Variants in MROH7 observed in about 807,000 individuals in gnomAD.
MROH7 encodes the protein maestro heat-like repeat-containing protein family member 7.
MROH7 carries 113 observed loss-of-function variants against 129.2 expected under a neutral mutation model. The ratio of observed to expected loss-of-function variants is 0.87; its 90% CI spans 0.75 to 1.02. The LOEUF (loss-of-function observed/expected upper bound fraction) is 1.02. MROH7 is among the 50% of genes least tolerant of loss of function. The pLI, the probability that MROH7 is intolerant of heterozygous loss-of-function variation, is 0.00. For missense variants in MROH7, 1,601 were observed against 1,671.3 expected (o/e 0.96, Z 0.73); for synonymous variants, 655 against 667.9 (o/e 0.98, Z 0.30).
intron 16 of MROH7, 110 bp from the exon 17 acceptor site, chr1:54,695,266 T>TCA: frequency 1.6e-6 from 1 of 639,050 alleles, no homozygotes; most frequent in Non-Finnish European, 2.8e-6. Context: ...AACGCAGGAA[T>TCA]CCAGGTGATC....
chr1:54,668,815 G>T (rs754728274), intron 4 of MROH7, 39 bp from the exon 5 acceptor site: 4 of 1,537,024 alleles, frequency 2.6e-6, no homozygotes, highest in Non-Finnish European at 3.6e-6. Flanking sequence ...GGCTCAGTGG[G>T]TCTCTCACTC....
chr1:54,653,118 T>C lies in MROH7; in HGVS notation c.192T>C (p.Ser64=). The C allele has an allele frequency of 2.5e-6, 4 of 1,614,214 alleles. No individual in the cohort carries two copies. The highest frequency in any genetic ancestry group is 3.4e-6 in the Non-Finnish European group (4 of 1,180,046). The change falls in exon 3 of 24, where the codon TCT becomes TCC. Residue 64 remains serine, a synonymous_variant. Transcript: ENST00000421030. ...GLALVPDLND[S]LSPVSGEASG... ...CTCTCGTTCCAGATCTTAATGATTC[T>C]TTGAGTCCAGTCTCAGGGGAGGCCT...
chr1:54,679,895 C>T lies in MROH7; in HGVS notation c.2231C>T (p.Pro744Leu). ...WYRHRALEVI[P>L]EIMQGIYMQL... is the part of the protein sequence containing the mutation. The stretch of plus-strand genomic sequence containing the variant: ...GCTGCCCCGGCTGTGCCCCAGATCC[C>T]AGAAATCATGCAAGGCATCTACATG... The change falls in exon 13 of 24, where the codon CCA (proline) becomes CTA (leucine). Residue 744 changes from proline (P) to leucine (L), a missense_variant. Physicochemically the swap from Pro to Leu is moderately conservative, Grantham distance 98. Transcript: ENST00000421030. The T allele has an allele frequency of 6.2e-7, 1 of 1,607,932 alleles. No individual in the cohort carries two copies. Among genetic ancestry groups the T allele is most frequent in the Non-Finnish European group, 8.5e-7 (1 of 1,177,550 alleles).
chr1:54,679,825 C>G (rs1418681804), intron 12 of MROH7, 66 bp from the exon 13 acceptor site: 9 of 1,508,566 alleles, frequency 6.0e-6, no homozygotes, highest in Non-Finnish European at 5.4e-6. Flanking sequence ...CTCCTCCCAC[C>G]TTCCTGCTGC....
At chr1:54,704,791 CTCTT>C (rs1164250132) in intron 21 of MROH7, among the ~76,000 whole-genome samples, 2 of 67,272 alleles carry the variant, frequency 3.0e-5, no homozygotes, top group Non-Finnish European at 5.3e-5. Context: ...TTCAATGTAG[CTCTT>C]TTTTTTTTTT....
intron 4 of MROH7, chr1:54,665,941 A>G (rs1644806707): frequency 6.6e-6 from 1 of 152,356 alleles, no homozygotes; most frequent in Admixed American, 6.5e-5. Flanking sequence ...CCCTGCATTC[A>G]GGGAGCATTT....
intron 1 of MROH7, among the ~76,000 whole-genome samples, chr1:54,650,231 G>A (rs1194699813): frequency 6.6e-6 from 1 of 152,174 alleles, no homozygotes; most frequent in Non-Finnish European, 1.5e-5. Flanking sequence ...GGAGGACAAG[G>A]GCCAGAGGGG....
Position 54,674,083 on chromosome 1 carries a change from A to G in MROH7, c.1868A>G (p.Asp623Gly). Reference protein sequence around the residue: ...GRLILHIGDPDEEIGCEALDG... With the variant: ...GRLILHIGDPGEEIGCEALDG... The stretch of plus-strand genomic sequence containing the variant: ...CTCATCCTTCACATTGGGGATCCTG[A>G]TGAGGAGATTGGCTGTGAGGCTCTG... The change falls in exon 10 of 24, where the codon GAT becomes GGT. Residue 623 changes from aspartate (D) to glycine (G), a missense_variant. Coordinates refer to ENST00000421030, the MANE Select transcript of MROH7 (RefSeq NM_001039464.4). The G allele has an allele frequency of 6.2e-7, 1 of 1,614,034 alleles. No individual in the cohort carries two copies.
At position 54,692,536 on chromosome 1, in the gene MROH7, C is replaced by T; in HGVS notation, c.2824C>T (p.His942Tyr). 1 of 1,613,656 alleles carries T rather than the reference C, an allele frequency of 6.2e-7. No homozygotes were observed. Reference sequence around the variant, plus strand: ...GCTCATGGAGCAGGTGGAGAGCCACCACCGCGGAGTGGCCTTGCTGGCAAG... The same window carrying T: ...GCTCATGGAGCAGGTGGAGAGCCACTACCGCGGAGTGGCCTTGCTGGCAAG... The part of the protein sequence containing the change: ...WELMEQVESH[H>Y]RGVALLARAM... Residue 942 changes from histidine (H) to tyrosine (Y), a missense_variant, in exon 16 of 24, where the codon CAC becomes TAC. His to Tyr is a moderately conservative substitution (Grantham distance 83, BLOSUM62 2). Transcript: ENST00000421030.
chr1:54,699,739 T>G, intron 17 of MROH7: 4 of 266,724 alleles, frequency 1.5e-5, no homozygotes, highest in African/African-American at 4.4e-5. Context: ...CCCTGTTGGA[T>G]AGGGGAGGCA....
intron 1 of MROH7, among the ~76,000 whole-genome samples, chr1:54,649,799 G>A (rs1001259942): frequency 3.9e-5 from 6 of 152,204 alleles, no homozygotes; most frequent in African/African-American, 9.7e-5. Flanking sequence ...GAAGATTCAC[G>A]CTCCTCCTTA....
At chr1:54,707,966 A>C (rs1308485441) in intron 22 of MROH7, among the ~76,000 whole-genome samples, 1 of 152,220 alleles carries the variant, frequency 6.6e-6, no homozygotes, top group African/African-American at 2.4e-5. Flanking sequence ...CATAAATCAC[A>C]AGTAAAATAC....
At chr1:54,700,803 C>T (rs1044970220) in intron 18 of MROH7, among the ~76,000 whole-genome samples, 1 of 152,170 alleles carries the variant, frequency 6.6e-6, no homozygotes, top group African/African-American at 2.4e-5. Context: ...TTTTCTCTAC[C>T]AGGCACTGTT....
intron 16 of MROH7, among the ~76,000 whole-genome samples, chr1:54,692,875 G>A (rs1269963801): frequency 6.6e-6 from 1 of 152,216 alleles, no homozygotes; most frequent in Non-Finnish European, 1.5e-5. Context: ...AGTTGTTGAG[G>A]TGTGGCCTTG....
At chr1:54,678,893 G>A in intron 11 of MROH7, 39 bp downstream of exon 11, 1 of 1,486,384 alleles carries the variant, frequency 6.7e-7, no homozygotes, top group Non-Finnish European at 9.4e-7. Context: ...GAGGGTGGGG[G>A]GTGAGGAGGG....
intron 19 of MROH7, 85 bp from the exon 20 acceptor site, chr1:54,702,005 A>T: frequency 8.2e-7 from 1 of 1,225,382 alleles, no homozygotes; most frequent in Middle Eastern, 2.1e-4. Flanking sequence ...CCTAGGCTTG[A>T]GTGAGAGGAA....
At chr1:54,654,940 C>T (rs749131180) in intron 3 of MROH7, among the ~76,000 whole-genome samples, 8 of 151,602 alleles carry the variant, frequency 5.3e-5, no homozygotes, top group African/African-American at 1.9e-4. Flanking sequence ...TTTGTCCATG[C>T]GCCAATACTA....
intron 21 of MROH7, among the ~76,000 whole-genome samples, chr1:54,704,910 C>T (rs533977634): frequency 7.5e-4 from 107 of 142,436 alleles, no homozygotes; most frequent in Admixed American, 1.9e-3. Flanking sequence ...AGTGATTCTC[C>T]TGCCTCAACC....
rs192844967 is a variant in MROH7, at chr1:54,657,346, A to T, written c.1231+3189A>T. Among the ~76,000 whole-genome samples, 647 of 151,992 alleles carry T rather than the reference A, an allele frequency of 4.3e-3. 5 individuals are homozygous for T. The highest frequency in any genetic ancestry group is 6.8e-3 in the Non-Finnish European group (464 of 67,964). On this transcript the variant is annotated intron_variant, in intron 3 of 23. Coordinates refer to ENST00000421030, the MANE Select transcript of MROH7 (RefSeq NM_001039464.4). ...ATTACAAGCATGAGCCACCATGTCC[A>T]GCCAAACCTTACCATCTTAAACATT...
Sources: gnomAD v4.1 joint callset for allele counts (sites outside exome capture counted in the v4.1 genomes callset) on GRCh38, gnomAD v4.1.1 for gene constraint, MANE v1.5 for transcripts, NCBI Gene and HGNC (gene_info 2026-07-23, HGNC 2026-07-21) for gene names.